The following PTPRT variants were observed in gnomAD, a reference collection of about 807,000 sequenced individuals.
The protein encoded by PTPRT is protein tyrosine phosphatase receptor type T.
In PTPRT, 56 loss-of-function variants were observed where a neutral mutation model predicts 176.8. That is an observed-to-expected ratio of 0.32 (90% confidence interval 0.26 to 0.40). PTPRT has a LOEUF of 0.40. PTPRT is among the 10% of genes least tolerant of loss of function. PTPRT has a pLI of 1.00. For synonymous variants in PTPRT, 783 were observed against 739.0 expected, an observed-to-expected ratio of 1.06 and a Z score of -0.96; for missense variants, 1,540 against 1,908.2, an observed-to-expected ratio of 0.81 and a Z score of 3.60.
chr20:42,807,173 T>A (rs2077622746), intron 2 of PTPRT, among the ~76,000 whole-genome samples: 1 of 152,200 alleles, frequency 6.6e-6, no homozygotes, highest in Non-Finnish European at 1.5e-5. Context: ...TTTAGATTGG[T>A]ACAGACCTTT....
At chr20:42,585,736 A>T (rs947673842) in intron 7 of PTPRT, among the ~76,000 whole-genome samples, 3 of 152,170 alleles carry the variant, frequency 2.0e-5, no homozygotes, top group Admixed American at 2.0e-4. Flanking sequence ...ATTTACCTGT[A>T]GATTGCTTTA....
chr20:42,696,535 A>G lies in PTPRT; in HGVS notation c.860-18376T>C, dbSNP rs536357919. On this transcript the variant is annotated intron_variant, in intron 6 of 30. Transcript: ENST00000373187. ...CAGTGGCATGATCTCGGCTCACTGCAAGCTCTTCCCCCCGGGTTCACACCA... is the reference window on the plus strand; with the variant it reads ...CAGTGGCATGATCTCGGCTCACTGCGAGCTCTTCCCCCCGGGTTCACACCA... Among the ~76,000 whole-genome samples the G allele has an allele frequency of 2.0e-5, 3 of 150,406 alleles. No homozygotes were observed. In the East Asian group the frequency reaches 5.9e-4, roughly 30 times the overall value.
At chr20:42,187,288 A>T (rs924017302) in intron 16 of PTPRT, among the ~76,000 whole-genome samples, 1 of 152,150 alleles carries the variant, frequency 6.6e-6, no homozygotes, top group Non-Finnish European at 1.5e-5. Flanking sequence ...TGCTCACTTA[A>T]CATCTGTCTA....
In PTPRT at chr20:43,189,814, G is replaced by C; in HGVS notation, c.-81C>G. The C allele has an allele frequency of 1.4e-6, 1 of 717,276 alleles. No homozygotes were observed. Among genetic ancestry groups the C allele is most frequent in the Non-Finnish European group, 1.7e-6 (1 of 582,598 alleles). The allele number at this position is 717,276 out of a possible 1,614,324, so 44.4% of individuals were successfully genotyped here. ...GGCGGGCGCGGGGTGGCCCCGCATC[G>C]CCGGCGCGGCCGCTGGCTGTGCGCG... On this transcript the variant is annotated 5_prime_UTR_variant, in exon 1 of 31. Transcript: ENST00000373187. The surrounding 1 kb of genome is among the most constrained non-coding windows in gnomAD (Gnocchi z 5.0).
At chr20:42,191,200 G>T (rs1211676100) in intron 16 of PTPRT, among the ~76,000 whole-genome samples, 1 of 151,994 alleles carries the variant, frequency 6.6e-6, no homozygotes, top group Admixed American at 6.6e-5. Context: ...TAGCCCTGTA[G>T]GCTTGGCAAG....
chr20:42,973,871 C>T (rs1982795691), intron 1 of PTPRT, among the ~76,000 whole-genome samples: 1 of 152,146 alleles, frequency 6.6e-6, no homozygotes, highest in South Asian at 2.1e-4. Context: ...ATTCAGAAAA[C>T]TGAGTATAGT....
Position 42,191,002 on chromosome 20 carries a change from A to G in PTPRT, c.2491+8238T>C, listed in dbSNP as rs186334921. ...ATAACACTTACTTAATTTTCCCACC[A>G]TACCAATGAGATAAGAATGCTTATA... On this transcript the variant is annotated intron_variant, in intron 16 of 30. Coordinates refer to ENST00000373187, the MANE Select transcript of PTPRT (RefSeq NM_007050.6). 9.8e-4 allele frequency among the ~76,000 whole-genome samples: 149 copies of G among 152,268 alleles called. 1 individual carries two copies. The highest frequency in any genetic ancestry group is 3.3e-3 in the African/African-American group (136 of 41,548).
chr20:43,151,843 A>G (rs1321442773), intron 1 of PTPRT, among the ~76,000 whole-genome samples: 1 of 152,052 alleles, frequency 6.6e-6, no homozygotes, highest in African/African-American at 2.4e-5. Context: ...AGCCCAGGCA[A>G]CAAGAGCGAA....
chr20:43,188,089 G>A (rs974498606), intron 1 of PTPRT, among the ~76,000 whole-genome samples: 2 of 152,152 alleles, frequency 1.3e-5, no homozygotes, highest in Non-Finnish European at 2.9e-5. Flanking sequence ...TGTGTGGTTG[G>A]CCGGTCATGC....
At chr20:43,073,750 G>A (rs1050349196) in intron 1 of PTPRT, among the ~76,000 whole-genome samples, 21 of 151,870 alleles carry the variant, frequency 1.4e-4, no homozygotes. Flanking sequence ...GGTGGGAAGG[G>A]AGAGATACAT....
chr20:42,612,810 G>A (rs1314459276), intron 7 of PTPRT, among the ~76,000 whole-genome samples: 3 of 151,404 alleles, frequency 2.0e-5, no homozygotes, highest in East Asian at 1.9e-4. Flanking sequence ...AGAGACAATC[G>A]ATTAAATAAA....
chr20:42,201,344 C>T (rs1199940755), intron 15 of PTPRT, among the ~76,000 whole-genome samples: 3 of 152,196 alleles, frequency 2.0e-5, no homozygotes, highest in Non-Finnish European at 2.9e-5. Context: ...AAGACCCAAA[C>T]CTCAGCTTAG....
At position 42,456,658 on chromosome 20, in the gene PTPRT, A is replaced by G. The variant is rs1345346790; in HGVS notation, c.1451-8329T>C. ...TATGTTACTGTAGCAAATTACACAAACAGATTTACTAAAGTTAGACTAACA... is the reference window on the plus strand; with the variant it reads ...TATGTTACTGTAGCAAATTACACAAGCAGATTTACTAAAGTTAGACTAACA... On this transcript the variant is annotated intron_variant, in intron 8 of 30. Coordinates refer to ENST00000373187, the MANE Select transcript of PTPRT (RefSeq NM_007050.6). Among the ~76,000 whole-genome samples the G allele has an allele frequency of 7.2e-5, 11 of 152,244 alleles. No homozygotes were observed. The East Asian group carries it at 2.1e-3, about 29-fold the overall frequency.
At chr20:42,956,582 T>C (rs758885147) in intron 1 of PTPRT, among the ~76,000 whole-genome samples, 3 of 151,610 alleles carry the variant, frequency 2.0e-5, no homozygotes, top group Non-Finnish European at 4.4e-5. Context: ...ATTAAATCTC[T>C]CTCTTTTTTT....
intron 2 of PTPRT, among the ~76,000 whole-genome samples, chr20:42,859,564 AGTTT>A (rs959556038): frequency 2.7e-5 from 4 of 147,828 alleles, no homozygotes; most frequent in Non-Finnish European, 6.0e-5. Context: ...ATCTGAGCTC[AGTTT>A]GTTTATTTTT....
chr20:42,387,311 G>C (rs1246389046), intron 9 of PTPRT, among the ~76,000 whole-genome samples: 1 of 152,222 alleles, frequency 6.6e-6, no homozygotes, highest in Non-Finnish European at 1.5e-5. Context: ...GATTCAATAA[G>C]TTAAAATATG....
chr20:42,118,901 G>C (rs1205008547), intron 20 of PTPRT, among the ~76,000 whole-genome samples: 1 of 151,696 alleles, frequency 6.6e-6, no homozygotes, highest in African/African-American at 2.4e-5. Context: ...ACTGGGGTGG[G>C]GGGTGGAGAG....
chr20:42,445,172 G>T (rs947153595), intron 9 of PTPRT, among the ~76,000 whole-genome samples: 2 of 152,146 alleles, frequency 1.3e-5, no homozygotes, highest in Non-Finnish European at 2.9e-5. Flanking sequence ...CCTGCATTTA[G>T]GAGTCCTGGG....
rs903012267 is a variant in PTPRT, at chr20:42,110,404, G to A, written c.3183C>T (p.Gly1061=). 1 of 1,612,792 alleles carries A rather than the reference G, an allele frequency of 6.2e-7. No homozygotes were observed. Among genetic ancestry groups the A allele is most frequent in the Non-Finnish European group, 8.5e-7 (1 of 1,178,980 alleles). The change falls in exon 23 of 31, where the codon GGC becomes GGT. Residue 1061 remains glycine, a synonymous_variant. Transcript: ENST00000373187. ...PDHGVPCYAT[G]LLGFVRQVKF... Reference sequence around the variant, plus strand: ...TGACCTGGCGGACGAAGCCCAGAAGGCCAGTGGCATAGCAGGGAACGCCGT... The same window carrying A: ...TGACCTGGCGGACGAAGCCCAGAAGACCAGTGGCATAGCAGGGAACGCCGT...
Sources: gnomAD v4.1 joint callset for allele counts (sites outside exome capture counted in the v4.1 genomes callset) on GRCh38, gnomAD v4.1.1 for gene constraint, Gnocchi (gnomAD v3.1) non-coding constraint, MANE v1.5 for transcripts, NCBI Gene and HGNC (gene_info 2026-07-23, HGNC 2026-07-21) for gene names.